The following MAPK10 variants were observed in gnomAD, a reference collection of about 807,000 sequenced individuals.
The protein encoded by MAPK10 is mitogen-activated protein kinase 10.
In MAPK10, 25 loss-of-function variants were observed where a neutral mutation model predicts 59.3. The ratio of observed to expected loss-of-function variants is 0.42; its 90% CI spans 0.31 to 0.59. The LOEUF (loss-of-function observed/expected upper bound fraction) is 0.59, where lower values mean the gene tolerates loss of function less well. Ranked by LOEUF, MAPK10 falls within the 20% of genes least tolerant of loss-of-function variation. The pLI is 0.15. For missense variants in MAPK10, 351 were observed against 568.9 expected, an observed-to-expected ratio of 0.62 and a Z score of 3.90; for synonymous variants, 190 against 200.5, an observed-to-expected ratio of 0.95 and a Z score of 0.44.
At chr4:86,075,490 T>G (rs1240833687) in intron 9 of MAPK10, among the ~76,000 whole-genome samples, 1 of 152,170 alleles carries the variant, frequency 6.6e-6, no homozygotes, top group Non-Finnish European at 1.5e-5. Context: ...GAGTTTCCAG[T>G]TTTTCTGTTC....
chr4:86,079,466 C>G (rs915179634), intron 9 of MAPK10: 1 of 152,060 alleles, frequency 6.6e-6, no homozygotes, highest in Admixed American at 6.6e-5. Context: ...TAATTTTTTA[C>G]TGGTAATTTT....
chr4:86,260,467 T>G (rs2093943084), intron 2 of MAPK10, among the ~76,000 whole-genome samples: 1 of 152,096 alleles, frequency 6.6e-6, no homozygotes, highest in African/African-American at 2.4e-5. Flanking sequence ...TTGCAGTGGA[T>G]TCTGTGAATT....
intron 1 of MAPK10, among the ~76,000 whole-genome samples, chr4:86,527,312 CAAAAAA>C (rs57390422): frequency 1.5e-3 from 25 of 16,196 alleles, no homozygotes; most frequent in Non-Finnish European, 2.4e-3. Flanking sequence ...ACACTGTTGC[CAAAAAA>C]AAAAAAAAAA....
chr4:86,155,105 C>T (rs2067379289), intron 4 of MAPK10, among the ~76,000 whole-genome samples: 1 of 151,922 alleles, frequency 6.6e-6, no homozygotes, highest in Non-Finnish European at 1.5e-5. Flanking sequence ...TCAAATTCAT[C>T]ATCAAAATGG....
At chr4:86,332,312 A>G (rs1306451665) in intron 2 of MAPK10, among the ~76,000 whole-genome samples, 2 of 152,214 alleles carry the variant, frequency 1.3e-5, no homozygotes, top group Non-Finnish European at 2.9e-5. Context: ...CATTTTATAA[A>G]TCATTCTCCT....
At chr4:86,292,037 A>C (rs2095243067) in intron 2 of MAPK10, among the ~76,000 whole-genome samples, 1 of 152,242 alleles carries the variant, frequency 6.6e-6, no homozygotes, top group African/African-American at 2.4e-5. Context: ...CCATGGAGAC[A>C]GAAACTTACT....
At chr4:86,353,133 A>G (rs1410828680) in intron 2 of MAPK10, among the ~76,000 whole-genome samples, 2 of 147,572 alleles carry the variant, frequency 1.4e-5, no homozygotes, top group Non-Finnish European at 3.0e-5. Flanking sequence ...TCTCTACCAC[A>G]TCCGTGGTAG....
chr4:86,375,302 T>C (rs569308951), intron 1 of MAPK10, among the ~76,000 whole-genome samples: 6 of 151,946 alleles, frequency 3.9e-5, no homozygotes, highest in African/African-American at 4.8e-5. Context: ...AGATCTACAA[T>C]ACAAATAGAA....
At chr4:86,236,669 C>T (rs1025645874) in intron 2 of MAPK10, among the ~76,000 whole-genome samples, 1 of 152,002 alleles carries the variant, frequency 6.6e-6, no homozygotes, top group Admixed American at 6.6e-5. Flanking sequence ...TGTGACGGTT[C>T]AAGGAGAGGG....
At chr4:86,582,664 G>T (rs1200953220) in intron 1 of MAPK10, among the ~76,000 whole-genome samples, 2 of 152,188 alleles carry the variant, frequency 1.3e-5, no homozygotes, top group Admixed American at 1.3e-4. Flanking sequence ...AAAAGAGAGA[G>T]GCAGTGGCCT....
At chr4:86,290,172 G>A (rs535547194) in intron 2 of MAPK10, among the ~76,000 whole-genome samples, 1 of 152,266 alleles carries the variant, frequency 6.6e-6, no homozygotes, top group Non-Finnish European at 1.5e-5. Context: ...CTGAGCTCTA[G>A]AATTCTCCAA....
chr4:86,318,046 AT>A (rs895441732), intron 2 of MAPK10, among the ~76,000 whole-genome samples: 7 of 151,868 alleles, frequency 4.6e-5, no homozygotes, highest in African/African-American at 1.7e-4. Flanking sequence ...CTGTGTCCAC[AT>A]TTCCCTCTTC....
At chr4:86,554,731 CCAAA>C (rs1760119575) in intron 1 of MAPK10, among the ~76,000 whole-genome samples, 1 of 152,148 alleles carries the variant, frequency 6.6e-6, no homozygotes, top group Admixed American at 6.6e-5. Context: ...TATTTTCTTA[CCAAA>C]CAAATATGAT....
chr4:86,530,776 G>A (rs557511469), intron 1 of MAPK10, among the ~76,000 whole-genome samples: 1 of 152,208 alleles, frequency 6.6e-6, no homozygotes, highest in African/African-American at 2.4e-5. Context: ...TTGGTGACTG[G>A]GTTTCAATAA....
intron 2 of MAPK10, among the ~76,000 whole-genome samples, chr4:86,294,124 A>C (rs2095298514): frequency 6.6e-6 from 1 of 152,168 alleles, no homozygotes. Flanking sequence ...ATTAGCTCCG[A>C]GGTGTGCTGT....
chr4:86,295,516 T>C (rs904366590), intron 2 of MAPK10, among the ~76,000 whole-genome samples: 4 of 152,070 alleles, frequency 2.6e-5, no homozygotes, highest in African/African-American at 9.7e-5. Flanking sequence ...TGTTCTGTGT[T>C]CACTGCTATC....
intron 2 of MAPK10, among the ~76,000 whole-genome samples, chr4:86,207,220 T>C (rs1325139688): frequency 4.6e-5 from 7 of 151,720 alleles, no homozygotes; most frequent in African/African-American, 1.5e-4. Flanking sequence ...AATTAATTTT[T>C]GTATAAGGTG....
At chr4:86,221,166 A>G (rs546847622) in intron 2 of MAPK10, among the ~76,000 whole-genome samples, 1 of 152,272 alleles carries the variant, frequency 6.6e-6, no homozygotes, top group Admixed American at 6.5e-5. Context: ...CTAGAAAGAC[A>G]AAATGGAGAA....
chr4:86,468,822 C>T (rs1460139744), intron 1 of MAPK10, among the ~76,000 whole-genome samples: 3 of 151,932 alleles, frequency 2.0e-5, no homozygotes, highest in Non-Finnish European at 4.4e-5. Flanking sequence ...CCACTGCACT[C>T]CAGCCTGGGT....
Sources: allele counts gnomAD v4.1 joint callset (sites outside exome capture counted in the v4.1 genomes callset), GRCh38; gene constraint gnomAD v4.1.1; transcripts MANE v1.5; gene names NCBI Gene and HGNC (gene_info 2026-07-23, HGNC 2026-07-21).